ACOT12: variants seen among roughly 807,000 people sequenced by gnomAD.
ACOT12 encodes acetyl-coenzyme A thioesterase.
Under a neutral mutation model 67.7 loss-of-function variants are expected in ACOT12, and 51 were observed. The observed-to-expected ratio is 0.75, with a 90% CI of 0.60 to 0.95. ACOT12 has a LOEUF of 0.95. Among genes scored for constraint, ACOT12 ranks in the 40% least tolerant of loss-of-function variants. The probability of loss-of-function intolerance (pLI) is 0.00; values close to 1 mark genes in which losing one functional copy is unlikely to be tolerated. For missense variants in ACOT12, 734 were observed against 708.1 expected (o/e 1.04, Z -0.41); for synonymous variants, 251 against 244.6 (o/e 1.03, Z -0.24).
At chr5:81,336,222 T>C (rs902243522) in intron 11 of ACOT12, among the ~76,000 whole-genome samples, 5 of 152,152 alleles carry the variant, frequency 3.3e-5, no homozygotes, top group African/African-American at 9.7e-5. Flanking sequence ...GATGTTTCCC[T>C]GCCTCTACTG....
At chr5:81,338,596 G>A (rs1181465480) in intron 11 of ACOT12, among the ~76,000 whole-genome samples, 1 of 152,162 alleles carries the variant, frequency 6.6e-6, no homozygotes, top group Non-Finnish European at 1.5e-5. Context: ...CCCAGTCTCA[G>A]GTAGTTCTTT....
chr5:81,363,630 G>C (rs1759984559), intron 4 of ACOT12, among the ~76,000 whole-genome samples, 158 bp downstream of exon 4: 1 of 152,052 alleles, frequency 6.6e-6, no homozygotes, highest in South Asian at 2.1e-4. Flanking sequence ...TGTTACCACA[G>C]AGTGATAACT....
intron 12 of ACOT12, 80 bp downstream of exon 12, chr5:81,335,688 T>C (rs1411130228): frequency 6.8e-7 from 1 of 1,467,786 alleles, no homozygotes. Flanking sequence ...CATTGGACGA[T>C]GGAGATGGAC....
At chr5:81,316,964 G>A in the ACOT12 span, among the ~76,000 whole-genome samples, 1 of 152,080 alleles carries the variant, frequency 6.6e-6, no homozygotes, top group Admixed American at 6.6e-5. Context: ...TCTTTAACAG[G>A]TTTATGATTT....
rs529626824 is a variant in ACOT12, at chr5:81,345,991, C to T, written c.667G>A (p.Ala223Thr). Residue 223 changes from alanine (A) to threonine (T), a missense_variant, in exon 7 of 15, where the codon GCT becomes ACT. Coordinates refer to ENST00000307624, the MANE Select transcript of ACOT12 (RefSeq NM_130767.3). Reference sequence around the variant, plus strand: ...TCTACGGACTTCAGAAAGGGATGAGCCCAACACAGGCGGCTGGGGAGACAA... The same window carrying T: ...TCTACGGACTTCAGAAAGGGATGAGTCCAACACAGGCGGCTGGGGAGACAA... ...ATISASRLCW[A>T]HPFLKSVDMF... is the part of the protein sequence containing the mutation. 5.0e-6 allele frequency: 8 copies of T among 1,613,810 alleles called. No homozygotes were observed. The South Asian group carries it at 6.6e-5, about 13-fold the overall frequency.
chr5:81,317,767 CT>C, the ACOT12 span, among the ~76,000 whole-genome samples: 1 of 152,272 alleles, frequency 6.6e-6, no homozygotes, highest in South Asian at 2.1e-4. Flanking sequence ...CAGGCCCCTC[CT>C]TCAACACTGG....
the ACOT12 span, chr5:81,311,085 T>A: frequency 1.1e-6 from 1 of 909,816 alleles, no homozygotes; most frequent in Non-Finnish European, 1.8e-6. Context: ...CTCCCTATGA[T>A]CCTGGTCTAG....
At chr5:81,333,629 C>A (rs1580527548) in intron 12 of ACOT12, among the ~76,000 whole-genome samples, 1 of 152,154 alleles carries the variant, frequency 6.6e-6, no homozygotes, top group Non-Finnish European at 1.5e-5. Context: ...AAGCATAACA[C>A]CAAAGTTTAG....
At chr5:81,366,302 T>C (rs1760075994) in intron 3 of ACOT12, among the ~76,000 whole-genome samples, 1 of 152,152 alleles carries the variant, frequency 6.6e-6, no homozygotes, top group Non-Finnish European at 1.5e-5. Flanking sequence ...AAATTCACAA[T>C]GTTCAGCATC....
intron 2 of ACOT12, 104 bp from the exon 3 acceptor site, chr5:81,371,914 T>C (rs1760266712): frequency 1.1e-6 from 1 of 951,278 alleles, no homozygotes; most frequent in Non-Finnish European, 1.6e-6. Context: ...TTCCACCTTA[T>C]CATGCTGATA....
intron 2 of ACOT12, among the ~76,000 whole-genome samples, chr5:81,377,107 C>T (rs144069159): frequency 0.015 from 2,317 of 152,186 alleles, 28 homozygotes; most frequent in Middle Eastern, 0.051. Context: ...ACTGGCAAAC[C>T]GAATCCAGCA....
chr5:81,362,964 G>A (rs1004752014), intron 4 of ACOT12, among the ~76,000 whole-genome samples: 5 of 152,162 alleles, frequency 3.3e-5, no homozygotes, highest in Non-Finnish European at 7.4e-5. Flanking sequence ...AGAACTTTGG[G>A]AGATCAAGGC....
chr5:81,363,542 AT>A (rs200485365), intron 4 of ACOT12, among the ~76,000 whole-genome samples: 4 of 151,738 alleles, frequency 2.6e-5, no homozygotes, highest in East Asian at 1.9e-4. Flanking sequence ...AACAATGTGG[AT>A]TTTTTTTTGT....
At chr5:81,373,437 C>T (rs950045646) in intron 2 of ACOT12, among the ~76,000 whole-genome samples, 3 of 152,258 alleles carry the variant, frequency 2.0e-5, no homozygotes, top group South Asian at 2.1e-4. Flanking sequence ...CAAAACTGGG[C>T]GGCCATTTGG....
At chr5:81,345,069 C>T (rs528890797) in intron 7 of ACOT12, 28 bp from the exon 8 acceptor site, 24 of 1,612,386 alleles carry the variant, frequency 1.5e-5, no homozygotes, top group Admixed American at 1.0e-4. Context: ...GGGCGGTGGG[C>T]AAAGAGGATC....
At chr5:81,342,783 G>A in intron 10 of ACOT12, 28 bp from the exon 11 acceptor site, 1 of 1,605,828 alleles carries the variant, frequency 6.2e-7, no homozygotes, top group Non-Finnish European at 8.5e-7. Flanking sequence ...TATTTTTAAA[G>A]CTATGTGTTC....
chr5:81,324,310 TAAG>T, the ACOT12 span, among the ~76,000 whole-genome samples: 1,481 of 152,224 alleles, frequency 9.7e-3, 21 homozygotes, highest in African/African-American at 0.034. Context: ...GTAAAGTTGA[TAAG>T]AAGTAGTAAG....
At chr5:81,328,461 C>T (rs1432671722), downstream of ACOT12, among the ~76,000 whole-genome samples, 1 of 152,102 alleles carries the variant, frequency 6.6e-6, no homozygotes, top group East Asian at 1.9e-4. Flanking sequence ...AAGGAAAATG[C>T]AAACTTAAGA....
chr5:81,325,503 T>C (rs1758652924), downstream of ACOT12, among the ~76,000 whole-genome samples: 1 of 152,274 alleles, frequency 6.6e-6, no homozygotes, highest in Admixed American at 6.5e-5. Flanking sequence ...AGGTGCAGTG[T>C]TTTCCAGGGA....
Sources: allele counts gnomAD v4.1 joint callset (sites outside exome capture counted in the v4.1 genomes callset), GRCh38; gene constraint gnomAD v4.1.1; transcripts MANE v1.5; gene names NCBI Gene and HGNC (gene_info 2026-07-23, HGNC 2026-07-21).